ALS2: variants seen among roughly 807,000 people sequenced by gnomAD.
ALS2 encodes alsin.
Under a neutral mutation model 203.4 loss-of-function variants are expected in ALS2, and 117 were observed. That is an observed-to-expected ratio of 0.58 (90% CI 0.50 to 0.67). ALS2 has a LOEUF of 0.67. ALS2 is among the 30% of genes least tolerant of loss of function. The pLI, the probability that ALS2 is intolerant of heterozygous loss-of-function variation, is 0.00. For synonymous variants in ALS2, 718 were observed against 725.9 expected, an observed-to-expected ratio of 0.99 and a Z score of 0.17; for missense variants, 1,715 against 1,989.4, an observed-to-expected ratio of 0.86 and a Z score of 2.62.
At chr2:201,720,921 TTCTG>T (rs1559044220) in intron 23 of ALS2, among the ~76,000 whole-genome samples, 1 of 152,192 alleles carries the variant, frequency 6.6e-6, no homozygotes, top group African/African-American at 2.4e-5. Flanking sequence ...GGTGATATGA[TTCTG>T]TATGTAAGAA....
chr2:201,707,959 C>T lies in ALS2; in HGVS notation c.4313G>A (p.Ser1438Asn). The stretch of plus-strand genomic sequence containing the variant: ...CAGAGGAGCAGAGAGAGGAATTGTG[C>T]TGCCTTCTTCAGGCAGCTCAGGAAA... ...FLFPELPEEG[S>N]TIPLSAPLPT... Residue 1438 changes from serine to asparagine, a missense_variant, in exon 28 of 34, where the codon AGC (serine) becomes AAC (asparagine). This residue lies in a region of ALS2 where 1,227 missense variants were observed against 1,413.5 expected (regional missense o/e 0.87). Coordinates refer to ENST00000264276, the MANE Select transcript of ALS2 (RefSeq NM_020919.4). 6.2e-7 allele frequency: 1 copy of T among 1,613,104 alleles called. No homozygotes were observed. Among genetic ancestry groups the T allele is most frequent in the Non-Finnish European group, 8.5e-7 (1 of 1,179,350 alleles).
Position 201,757,551 on chromosome 2 carries a change from A to G in ALS2, c.1322T>C (p.Ile441Thr), listed in dbSNP as rs745410747. 5 of 1,614,152 alleles carry G rather than the reference A, an allele frequency of 3.1e-6. No individual in the cohort carries two copies. In the East Asian group the frequency reaches 6.7e-5, roughly 22 times the overall value. ...GCTATCTTTCAAACCTTCGGGGCCA[A>G]TGGCACTACTGCCTGCCTGAGCTCC... Reference protein sequence around the residue: ...ETGAQAGSSAIGPEGLKDSRE... With the variant: ...ETGAQAGSSATGPEGLKDSRE... The change falls in exon 5 of 34, where the codon ATT becomes ACT. Residue 441 changes from isoleucine (I) to threonine (T), a missense_variant. Ile to Thr is a moderately conservative substitution (Grantham distance 89). Around this residue, in one of 3 missense-constraint regions of ALS2, gnomAD observed 476 missense variants for 539.3 expected, o/e 0.88. Coordinates refer to ENST00000264276, the MANE Select transcript of ALS2 (RefSeq NM_020919.4).
In ALS2 at chr2:201,708,002, A is replaced by G; in HGVS notation, c.4281-11T>C. The G allele has an allele frequency of 1.2e-6, 2 of 1,608,280 alleles. 1 individual carries two copies. The highest frequency in any genetic ancestry group is 1.7e-6 in the Non-Finnish European group (2 of 1,176,128). ...TCAGGAAATAAGAACCTAAGGAAGA[A>G]TAAAAAATATAATTATACAATTATA... On this transcript the variant is annotated splice_polypyrimidine_tract_variant and intron_variant, in intron 27 of 33. Transcript: ENST00000264276.
chr2:201,744,236 G>C, intron 10 of ALS2, 22 bp downstream of exon 10: 1 of 1,606,750 alleles, frequency 6.2e-7, no homozygotes, highest in Non-Finnish European at 8.5e-7. Context: ...TTAATGGTGG[G>C]AGAGAGGGGG....
At chr2:201,759,808 A>G in intron 4 of ALS2, 1 of 985,312 alleles carries the variant, frequency 1.0e-6, no homozygotes, top group South Asian at 4.7e-5. Flanking sequence ...ACCTAAAAAG[A>G]AACACTGCAG....
rs1693701959 is a variant in ALS2, at chr2:201,760,616, G to T, written c.1113+265C>A. The stretch of plus-strand genomic sequence containing the variant: ...AGCCATAGAAAAAAAGTACTAGCAA[G>T]AAAAAAAAATGAAATGCTCCTACTT... On this transcript the variant is annotated intron_variant, in intron 4 of 33. Transcript: ENST00000264276. 8.8e-6 allele frequency: 11 copies of T among 1,250,870 alleles called. No homozygotes were observed. The African/African-American group carries it at 1.4e-4, about 16-fold the overall frequency. 77.5% of individuals were successfully genotyped at this position (1,250,870 alleles called of 1,614,324 possible).
chr2:201,730,337 T>C (rs190051320), intron 13 of ALS2, among the ~76,000 whole-genome samples: 11 of 152,312 alleles, frequency 7.2e-5, no homozygotes, highest in Admixed American at 6.5e-4. Context: ...GACTGAATTA[T>C]GCAGATTTTC....
intron 12 of ALS2, among the ~76,000 whole-genome samples, chr2:201,735,754 G>T (rs1691838316): frequency 6.6e-6 from 1 of 152,172 alleles, no homozygotes; most frequent in South Asian, 2.1e-4. Context: ...ATCTAACTCG[G>T]AAATACCAGA....
intron 12 of ALS2, among the ~76,000 whole-genome samples, chr2:201,736,858 T>C (rs1265112793): frequency 6.6e-6 from 1 of 152,030 alleles, no homozygotes; most frequent in Non-Finnish European, 1.5e-5. Context: ...CAGAGAAATA[T>C]AAATAACAAA....
chr2:201,740,277 T>C (rs1311786699), intron 11 of ALS2, among the ~76,000 whole-genome samples: 1 of 152,194 alleles, frequency 6.6e-6, no homozygotes, highest in African/African-American at 2.4e-5. Context: ...CAGTGAGCTG[T>C]AATGGTGCCA....
intron 6 of ALS2, 49 bp from the exon 7 acceptor site, chr2:201,753,291 A>G: frequency 6.8e-7 from 1 of 1,460,196 alleles, no homozygotes. Flanking sequence ...TCTCAGCAAG[A>G]ATCGTAGCCT....
chr2:201,730,185 A>G (rs10153757), intron 13 of ALS2, among the ~76,000 whole-genome samples: 27,539 of 152,150 alleles, frequency 0.18, 2,783 homozygotes, highest in East Asian at 0.38. Flanking sequence ...TGCAATGTAG[A>G]ATCTGAAACC....
Position 201,744,406 on chromosome 2 carries a change from T to C in ALS2, c.2022A>G (p.Thr674=). The C allele has an allele frequency of 6.2e-7, 1 of 1,614,114 alleles. No homozygotes were observed. Among genetic ancestry groups the C allele is most frequent in the Non-Finnish European group, 8.5e-7 (1 of 1,180,018 alleles). The part of the protein sequence containing the change: ...CSKLGYISRV[T]AGKDSYLALV... ...AGGCTAAATAGCTATCTTTTCCTGC[T>C]GTCACTCTGCTTATATATCCAAGCT... The change falls in exon 10 of 34, where the codon ACA becomes ACG. Residue 674 remains threonine (T), a synonymous_variant. Coordinates refer to ENST00000264276, the MANE Select transcript of ALS2 (RefSeq NM_020919.4).
At chr2:201,750,879 G>T (rs958000161) in intron 7 of ALS2, among the ~76,000 whole-genome samples, 6 of 145,656 alleles carry the variant, frequency 4.1e-5, no homozygotes, top group Admixed American at 1.4e-4. Flanking sequence ...TGGAAGCAGA[G>T]TCTCGATCTT....
chr2:201,715,528 GA>G (rs1339436343), intron 25 of ALS2, 143 bp downstream of exon 25: 2 of 919,818 alleles, frequency 2.2e-6, no homozygotes, highest in Non-Finnish European at 1.7e-6. Context: ...AGAAGATAAA[GA>G]AAGTGTGTTT....
chr2:201,708,453 A>AT (rs1290235817), intron 27 of ALS2, among the ~76,000 whole-genome samples: 1 of 152,188 alleles, frequency 6.6e-6, no homozygotes. Context: ...TTGCACGGAT[A>AT]TATCAGGTAG....
At chr2:201,766,628 G>A (rs564780973) in intron 3 of ALS2, among the ~76,000 whole-genome samples, 21 of 150,720 alleles carry the variant, frequency 1.4e-4, no homozygotes, top group South Asian at 1.3e-3. Flanking sequence ...CAGCCTGGGC[G>A]ACAAGAGCAA....
chr2:201,732,928 C>T (rs949628616), intron 13 of ALS2, among the ~76,000 whole-genome samples: 13 of 152,168 alleles, frequency 8.5e-5, no homozygotes, highest in Non-Finnish European at 1.6e-4. Flanking sequence ...ATACAGAAAG[C>T]CAGGGCTTTA....
intron 2 of ALS2, among the ~76,000 whole-genome samples, chr2:201,767,705 C>CA (rs57200737): frequency 0.014 from 1,999 of 140,458 alleles, 32 homozygotes; most frequent in African/African-American, 0.041. Context: ...ACTAAAAATA[C>CA]AAAAAAAAAA....
Sources: gnomAD v4.1 joint callset for allele counts (sites outside exome capture counted in the v4.1 genomes callset) on GRCh38, gnomAD v4.1.1 for gene constraint, gnomAD v4.1.1 regional missense constraint, MANE v1.5 for transcripts, NCBI Gene and HGNC (gene_info 2026-07-23, HGNC 2026-07-21) for gene names.